Variants in PHLDB2 observed in about 807,000 individuals in gnomAD.
PHLDB2 encodes the protein pleckstrin homology-like domain family B member 2.
Under a neutral mutation model 123.6 loss-of-function variants are expected in PHLDB2, and 71 were observed. That is an observed-to-expected ratio of 0.57 (90% CI 0.47 to 0.70). The LOEUF (loss-of-function observed/expected upper bound fraction) is 0.70, where lower values mean the gene tolerates loss of function less well. Ranked by LOEUF, PHLDB2 falls within the 30% of genes least tolerant of loss-of-function variation. The pLI, the probability that PHLDB2 is intolerant of heterozygous loss-of-function variation, is 0.00. For missense variants in PHLDB2, 1,446 were observed against 1,519.5 expected (o/e 0.95, Z 0.80); for synonymous variants, 547 against 541.6 (o/e 1.01, Z -0.14).
chr3:111,865,471 G>A (rs1176597063), intron 1 of PHLDB2, among the ~76,000 whole-genome samples: 3 of 152,084 alleles, frequency 2.0e-5, no homozygotes, highest in African/African-American at 7.2e-5. Context: ...CCTGCATTAT[G>A]TAATGAGCAC....
chr3:111,878,198 T>G (rs2065742286), intron 1 of PHLDB2, among the ~76,000 whole-genome samples: 1 of 152,244 alleles, frequency 6.6e-6, no homozygotes, highest in African/African-American at 2.4e-5. Context: ...GGGATGTTTT[T>G]CCACTTCTTT....
chr3:111,913,784 C>T, intron 3 of PHLDB2, 82 bp downstream of exon 3: 3 of 1,410,936 alleles, frequency 2.1e-6, no homozygotes, highest in Non-Finnish European at 2.9e-6. Flanking sequence ...ATGATTTTAT[C>T]ATGCTAATTA....
intron 1 of PHLDB2, among the ~76,000 whole-genome samples, chr3:111,877,272 TG>T (rs2065681364): frequency 6.6e-6 from 1 of 152,274 alleles, no homozygotes; most frequent in Admixed American, 6.5e-5. Flanking sequence ...CTAACTGGTG[TG>T]AGATGGTTTC....
Position 111,967,819 on chromosome 3 carries a change from G to T in PHLDB2, c.3310G>T (p.Ala1104Ser), listed in dbSNP as rs1171524087. 6.2e-7 allele frequency: 1 copy of T among 1,606,710 alleles called. No homozygotes were observed. The highest frequency in any genetic ancestry group is 2.2e-5 in the East Asian group (1 of 44,830). ...KEVKIRERQR[A>S]QARPLTRYLP... is the part of the protein sequence containing the mutation. ...AGTAAAAATAAGGGAGAGACAAAGG[G>T]CACAGGTTGGTCGGTCAATCTGAAT... Residue 1104 changes from alanine (A) to serine (S), a missense_variant, in exon 15 of 18, where the codon GCA becomes TCA. Coordinates refer to ENST00000431670, the MANE Select transcript of PHLDB2 (RefSeq NM_001134438.2).
chr3:111,867,682 C>T (rs2065150218), intron 1 of PHLDB2, among the ~76,000 whole-genome samples: 1 of 151,978 alleles, frequency 6.6e-6, no homozygotes, highest in African/African-American at 2.4e-5. Context: ...CTCTGATTGT[C>T]TCATATGTCT....
At position 111,913,595 on chromosome 3, in the gene PHLDB2, A is replaced by T; in HGVS notation, c.1612A>T (p.Thr538Ser). Residue 538 changes from threonine to serine, a missense_variant, in exon 3 of 18, where the codon ACC (threonine) becomes TCC (serine). Around this residue, in one of 3 missense-constraint regions of PHLDB2, gnomAD observed 832 missense variants for 831.9 expected, o/e 1.00. Transcript: ENST00000431670. ...SSASFFTPRS[T>S]RNDELLSDLT... ...TGCCAGCTTCTTTACCCCCAGGAGC[A>T]CCAGGAATGATGAACTACTCAGTGA... is the stretch of plus-strand genomic sequence containing the variant. The T allele has an allele frequency of 6.2e-7, 1 of 1,614,158 alleles. No homozygotes were observed. The highest frequency in any genetic ancestry group is 8.5e-7 in the Non-Finnish European group (1 of 1,180,030).
At chr3:111,973,408 T>C (rs965330147) in intron 16 of PHLDB2, among the ~76,000 whole-genome samples, 2 of 152,216 alleles carry the variant, frequency 1.3e-5, no homozygotes, top group African/African-American at 4.8e-5. Context: ...AGAAATCATT[T>C]GTATTGGTGC....
At position 111,792,117 on chromosome 3, in the gene PHLDB2, A is replaced by G. The variant is rs182560186; in HGVS notation, c.-48-53704A>G. 2.0e-5 allele frequency among the ~76,000 whole-genome samples: 3 copies of G among 152,172 alleles called. No individual in the cohort carries two copies. The East Asian group carries it at 5.8e-4, about 29-fold the overall frequency. On this transcript the variant is annotated intron_variant, in intron 1 of 17. Transcript: ENST00000393923. ...CTACTAATGACTTTTATACTTTTAC[A>G]TGTTTTCATGATGTTGATTACTGTC...
rs1393008472 is a variant in PHLDB2 at position 111,974,563 on chromosome 3, G to A, written c.3762G>A (p.Ter1254=). ...AAGGTTACACTCACTTCTTGTTGTA[G>A]TGAACTGAGGCAACAGTCCACTTCA... ...GAEGYTHFLL[*] The change falls in exon 18 of 18, where the codon TAG becomes TAA. Residue 1254 remains the stop codon, a stop_retained_variant. Transcript: ENST00000431670. 6.2e-7 allele frequency: 1 copy of A among 1,609,944 alleles called. No homozygotes were observed. Among genetic ancestry groups the A allele is most frequent in the Non-Finnish European group, 8.5e-7 (1 of 1,178,270 alleles).
At chr3:111,893,559 T>G (rs574940289) in intron 2 of PHLDB2, among the ~76,000 whole-genome samples, 6 of 152,222 alleles carry the variant, frequency 3.9e-5, no homozygotes, top group South Asian at 4.1e-4. Context: ...GATTTAATCT[T>G]CAGATTCAGC....
intron 1 of PHLDB2, among the ~76,000 whole-genome samples, chr3:111,750,420 AAGTT>A (rs1559810966): frequency 6.6e-6 from 1 of 152,212 alleles, no homozygotes; most frequent in Non-Finnish European, 1.5e-5. Flanking sequence ...GAAATTCTGC[AAGTT>A]AGTTCATGAA....
chr3:111,845,354 CAAAAAAAAAAA>C (rs745585464), intron 1 of PHLDB2, among the ~76,000 whole-genome samples: 2 of 39,162 alleles, frequency 5.1e-5, no homozygotes, highest in Admixed American at 5.1e-4. Context: ...GACTCTGTCT[CAAAAAAAAAAA>C]AAAAAAAAAA....
intron 1 of PHLDB2, among the ~76,000 whole-genome samples, chr3:111,747,037 C>A (rs2059691974): frequency 6.6e-6 from 1 of 152,082 alleles, no homozygotes; most frequent in Admixed American, 6.6e-5. Context: ...AGAATATAGA[C>A]CTTTTCTGGT....
At chr3:111,968,936 AG>A (rs952018984) in intron 15 of PHLDB2, among the ~76,000 whole-genome samples, 21 of 152,314 alleles carry the variant, frequency 1.4e-4, no homozygotes, top group African/African-American at 5.0e-4. Context: ...CCCGAGGCAA[AG>A]AGGTGGGGTT....
chr3:111,909,376 G>A (rs1345951031), intron 2 of PHLDB2, among the ~76,000 whole-genome samples: 2 of 152,018 alleles, frequency 1.3e-5, no homozygotes, highest in East Asian at 3.9e-4. Context: ...GAGGAAGATT[G>A]CTTGAGTCCA....
chr3:111,835,230 C>T (rs2063344511), intron 1 of PHLDB2, among the ~76,000 whole-genome samples: 1 of 152,072 alleles, frequency 6.6e-6, no homozygotes, highest in African/African-American at 2.4e-5. Flanking sequence ...AAGAAACTTG[C>T]TTCCCATCAC....
chr3:111,842,770 C>T (rs1384999851), intron 1 of PHLDB2, among the ~76,000 whole-genome samples: 1 of 152,146 alleles, frequency 6.6e-6, no homozygotes, highest in Non-Finnish European at 1.5e-5. Context: ...CATCTCTTCC[C>T]TACATCCACT....
At chr3:111,786,074 G>C (rs964627528) in intron 1 of PHLDB2, among the ~76,000 whole-genome samples, 5 of 152,052 alleles carry the variant, frequency 3.3e-5, no homozygotes, top group African/African-American at 1.2e-4. Context: ...CAGTATCTAT[G>C]GAGGATTGGT....
intron 6 of PHLDB2, among the ~76,000 whole-genome samples, chr3:111,938,655 T>C (rs1478908532): frequency 3.9e-5 from 6 of 152,158 alleles, no homozygotes; most frequent in South Asian, 2.1e-4. Flanking sequence ...GATTGTGTTG[T>C]GTACCATCTG....
Sources: gnomAD v4.1 joint callset for allele counts (sites outside exome capture counted in the v4.1 genomes callset) on GRCh38, gnomAD v4.1.1 for gene constraint, gnomAD v4.1.1 regional missense constraint, MANE v1.5 for transcripts, NCBI Gene and HGNC (gene_info 2026-07-23, HGNC 2026-07-21) for gene names.